Variants in PTBP3 observed in about 807,000 individuals in gnomAD.
PTBP3 encodes the protein polypyrimidine tract binding protein 3.
PTBP3 carries 20 observed loss-of-function variants against 58.7 expected under a neutral mutation model. The observed-to-expected ratio is 0.34, with a 90% CI of 0.24 to 0.50. PTBP3 has a LOEUF of 0.50. Ranked by LOEUF, PTBP3 falls within the 20% of genes least tolerant of loss-of-function variation. PTBP3 has a pLI of 0.98. For synonymous variants in PTBP3, 185 were observed against 219.8 expected (o/e 0.84, Z 1.40); for missense variants, 509 against 637.2 (o/e 0.80, Z 2.17).
the PTBP3 span, among the ~76,000 whole-genome samples, chr9:112,357,046 A>T: frequency 6.6e-6 from 1 of 151,226 alleles, no homozygotes; most frequent in Non-Finnish European, 1.5e-5. Flanking sequence ...CACCCGGCTA[A>T]TTTTTTTGTA....
the PTBP3 span, among the ~76,000 whole-genome samples, chr9:112,352,635 A>T: frequency 6.6e-6 from 1 of 152,204 alleles, no homozygotes; most frequent in Non-Finnish European, 1.5e-5. Flanking sequence ...TTCACATTTC[A>T]AATTGCTTCT....
At chr9:112,306,406 C>T (rs1395909221) in intron 1 of PTBP3, among the ~76,000 whole-genome samples, 3 of 149,900 alleles carry the variant, frequency 2.0e-5, no homozygotes, top group Non-Finnish European at 3.0e-5. Flanking sequence ...GCTATTTGCC[C>T]GCTTCGACCT....
intron 2 of PTBP3, among the ~76,000 whole-genome samples, chr9:112,296,941 C>A (rs1828715515): frequency 6.6e-6 from 1 of 152,120 alleles, no homozygotes; most frequent in South Asian, 2.1e-4. Context: ...CTTCATCACA[C>A]TACCACTGCC....
chr9:112,327,606 G>A (rs1250767535), intron 1 of PTBP3, among the ~76,000 whole-genome samples: 1 of 152,032 alleles, frequency 6.6e-6, no homozygotes, highest in Non-Finnish European at 1.5e-5. Context: ...CATGAAAGTA[G>A]TATTAGAAAC....
chr9:112,235,492 T>G (rs1835404231), intron 7 of PTBP3, among the ~76,000 whole-genome samples: 1 of 152,156 alleles, frequency 6.6e-6, no homozygotes, highest in Non-Finnish European at 1.5e-5. Context: ...ATGCTGGTCT[T>G]CTCTTTCCTT....
At chr9:112,256,308 T>TC (rs1836359649) in intron 5 of PTBP3, among the ~76,000 whole-genome samples, 1 of 134,108 alleles carries the variant, frequency 7.5e-6, no homozygotes, top group African/African-American at 2.9e-5. Context: ...TATATATATA[T>TC]ATTTATCTAT....
intron 1 of PTBP3, among the ~76,000 whole-genome samples, chr9:112,306,947 T>G (rs1407424066): frequency 6.6e-6 from 1 of 152,148 alleles, no homozygotes; most frequent in Non-Finnish European, 1.5e-5. Flanking sequence ...TAAACTCTAT[T>G]TATAAGGACA....
chr9:112,236,703 GATC>G (rs1456371912), intron 7 of PTBP3, among the ~76,000 whole-genome samples: 1 of 152,138 alleles, frequency 6.6e-6, no homozygotes, highest in Non-Finnish European at 1.5e-5. Flanking sequence ...CACTGGGCTT[GATC>G]ATGTCATGTT....
At chr9:112,314,690 G>A (rs1829630079) in intron 1 of PTBP3, among the ~76,000 whole-genome samples, 1 of 151,988 alleles carries the variant, frequency 6.6e-6, no homozygotes, top group African/African-American at 2.4e-5. Flanking sequence ...AAACAAAAAA[G>A]AAACACCTCA....
chr9:112,278,853 CACA>C (rs2132220569), intron 2 of PTBP3, among the ~76,000 whole-genome samples: 1 of 152,306 alleles, frequency 6.6e-6, no homozygotes, highest in African/African-American at 2.4e-5. Flanking sequence ...AAATGCTCAG[CACA>C]ACATCTAGTA....
chr9:112,336,088 G>C (rs1446252275), upstream of PTBP3, among the ~76,000 whole-genome samples: 1 of 152,076 alleles, frequency 6.6e-6, no homozygotes, highest in Non-Finnish European at 1.5e-5. Context: ...TGGCCAGGCT[G>C]CTCTTGAACT....
Position 112,222,708 on chromosome 9 carries a change from A to T in PTBP3, c.*1143T>A. The stretch of plus-strand genomic sequence containing the variant: ...TAAATCCTTACCAAAACAGAGAAAG[A>T]AAAAACAAAATGCTTACCAAGCCCA... On this transcript the variant is annotated 3_prime_UTR_variant, in exon 14 of 14. Transcript: ENST00000374257. 1.0e-6 allele frequency: 1 copy of T among 981,006 alleles called. No individual in the cohort carries two copies. The highest frequency in any genetic ancestry group is 1.2e-6 in the Non-Finnish European group (1 of 825,484). The allele number at this position is 981,006 out of a possible 1,614,324, so 60.8% of individuals were successfully genotyped here.
chr9:112,339,458 T>A, the PTBP3 span, among the ~76,000 whole-genome samples: 1 of 152,100 alleles, frequency 6.6e-6, no homozygotes, highest in Non-Finnish European at 1.5e-5. Context: ...ATGAATTTCT[T>A]AACCTAGAAG....
chr9:112,266,546 G>C (rs533614663), intron 4 of PTBP3, among the ~76,000 whole-genome samples: 1 of 152,080 alleles, frequency 6.6e-6, no homozygotes, highest in Admixed American at 6.5e-5. Context: ...TATTGGATTG[G>C]AATATGCTGC....
chr9:112,319,613 T>G (rs1564460881), intron 1 of PTBP3, among the ~76,000 whole-genome samples: 1 of 152,182 alleles, frequency 6.6e-6, no homozygotes, highest in African/African-American at 2.4e-5. Flanking sequence ...GAAAACAGTA[T>G]GGAAGTTTCT....
At chr9:112,314,391 C>T (rs1296556039) in intron 1 of PTBP3, among the ~76,000 whole-genome samples, 1 of 152,170 alleles carries the variant, frequency 6.6e-6, no homozygotes, top group Non-Finnish European at 1.5e-5. Context: ...CTTCAAAACA[C>T]GTAAAGCAAA....
Position 112,221,267 on chromosome 9 carries a change from ACACACACACACATT to A in PTBP3, c.*2570_*2583del, listed in dbSNP as rs1189308321. 2 of 967,314 alleles carry A rather than the reference ACACACACACACATT, an allele frequency of 2.1e-6. No homozygotes were observed. Among genetic ancestry groups the A allele is most frequent in the Non-Finnish European group, 2.5e-6 (2 of 813,446 alleles). 59.9% of individuals were successfully genotyped at this position (967,314 alleles called of 1,614,324 possible). ...TGTATTTATGTATATACACTTATCTACACACACACACATTCACACACACACACAAACACACCCCT... is the reference window on the plus strand; with the variant it reads ...TGTATTTATGTATATACACTTATCTACACACACACACACAAACACACCCCT... On this transcript the variant is annotated 3_prime_UTR_variant, in exon 14 of 14. Transcript: ENST00000374257.
intron 9 of PTBP3, among the ~76,000 whole-genome samples, 187 bp downstream of exon 9, chr9:112,231,912 A>AAGAAGAGAAGAGAAGAGAAG (rs1391742980): frequency 7.5e-5 from 8 of 107,376 alleles, no homozygotes; most frequent in Middle Eastern, 4.6e-3. Flanking sequence ...CTGAAAAGAA[A>AAGAAGAGAAGAGAAGAGAAG]AGAAGAGAAG....
chr9:112,230,971 T>C (rs1835176721), intron 10 of PTBP3, among the ~76,000 whole-genome samples: 2 of 140,874 alleles, frequency 1.4e-5, no homozygotes, highest in East Asian at 3.8e-4. Context: ...CCTACGCAGC[T>C]GTCCACCTTC....
Sources: allele counts gnomAD v4.1 joint callset (sites outside exome capture counted in the v4.1 genomes callset), GRCh38; gene constraint gnomAD v4.1.1; transcripts MANE v1.5; gene names NCBI Gene and HGNC (gene_info 2026-07-23, HGNC 2026-07-21).